The following EYS variants were observed in gnomAD, a reference collection of about 807,000 sequenced individuals.
EYS encodes the protein protein eyes shut homolog.
EYS carries 250 observed loss-of-function variants against 282.1 expected under a neutral mutation model. The observed-to-expected ratio is 0.89, with a 90% confidence interval of 0.80 to 0.98. The LOEUF is 0.98. Among genes scored for constraint, EYS ranks in the 50% least tolerant of loss-of-function variants. The pLI, the probability that EYS is intolerant of heterozygous loss-of-function variation, is 0.00. For missense variants in EYS, 4,016 were observed against 3,709.0 expected (o/e 1.08, Z -2.15); for synonymous variants, 1,355 against 1,282.9 (o/e 1.06, Z -1.20).
At chr6:64,700,950 A>G (rs1173418264) in intron 22 of EYS, among the ~76,000 whole-genome samples, 3 of 152,090 alleles carry the variant, frequency 2.0e-5, no homozygotes, top group Non-Finnish European at 4.4e-5. Flanking sequence ...TGGAGACATC[A>G]TATTAGTTGA....
chr6:64,295,497 A>AAG (rs1554140736), intron 30 of EYS, among the ~76,000 whole-genome samples: 8 of 36,764 alleles, frequency 2.2e-4, no homozygotes, highest in African/African-American at 8.4e-4. Context: ...GAAGAAGAAG[A>AAG]AAGAAGAAAG....
chr6:64,233,453 T>C (rs187869474), intron 30 of EYS, among the ~76,000 whole-genome samples: 90 of 152,338 alleles, frequency 5.9e-4, no homozygotes, highest in Non-Finnish European at 1.0e-3. Context: ...GCTAAAATTT[T>C]ACCTTATTTT....
chr6:64,335,875 C>T (rs1306521997), intron 29 of EYS, among the ~76,000 whole-genome samples: 2 of 152,004 alleles, frequency 1.3e-5, no homozygotes, highest in South Asian at 2.1e-4. Context: ...TCCAGCAAAA[C>T]TAAGTATCAT....
chr6:65,676,323 C>G (rs1401425137), intron 1 of EYS, among the ~76,000 whole-genome samples: 1 of 151,592 alleles, frequency 6.6e-6, no homozygotes, highest in Non-Finnish European at 1.5e-5. Context: ...ATTGACAAAA[C>G]CTCAGCTAGA....
At chr6:64,172,575 A>G (rs1764514490) in intron 31 of EYS, among the ~76,000 whole-genome samples, 1 of 152,178 alleles carries the variant, frequency 6.6e-6, no homozygotes, top group Non-Finnish European at 1.5e-5. Flanking sequence ...ACTTCTGGGT[A>G]TATCTTAAAA....
chr6:64,684,372 T>C (rs1166537954), intron 22 of EYS, among the ~76,000 whole-genome samples: 2 of 152,270 alleles, frequency 1.3e-5, no homozygotes, highest in African/African-American at 4.8e-5. Context: ...TACAAACCTC[T>C]TATTTTCTTT....
At chr6:65,208,586 T>C (rs535409189) in intron 12 of EYS, among the ~76,000 whole-genome samples, 1 of 151,938 alleles carries the variant, frequency 6.6e-6, no homozygotes, top group Admixed American at 6.6e-5. Context: ...ATAAAGAAAA[T>C]GTTATATATC....
chr6:64,841,109 C>T (rs938204501), intron 19 of EYS, among the ~76,000 whole-genome samples: 4 of 151,902 alleles, frequency 2.6e-5, no homozygotes, highest in Admixed American at 6.6e-5. Context: ...TTTTATGTAC[C>T]TGTGTCTAAT....
intron 22 of EYS, among the ~76,000 whole-genome samples, chr6:64,811,910 A>C (rs1465098339): frequency 6.6e-6 from 1 of 152,172 alleles, no homozygotes; most frequent in Non-Finnish European, 1.5e-5. Flanking sequence ...ACAAATACTA[A>C]CAGATTGTAA....
chr6:65,435,159 C>G (rs1355393123), intron 5 of EYS, among the ~76,000 whole-genome samples: 1 of 151,730 alleles, frequency 6.6e-6, no homozygotes, highest in South Asian at 2.1e-4. Flanking sequence ...TAATTGGTTA[C>G]AGAGTTATAA....
intron 35 of EYS, among the ~76,000 whole-genome samples, chr6:63,913,487 C>A (rs1764332626): frequency 6.6e-6 from 1 of 152,216 alleles, no homozygotes; most frequent in Non-Finnish European, 1.5e-5. Context: ...CATTATCATG[C>A]ACTATACATA....
intron 12 of EYS, among the ~76,000 whole-genome samples, chr6:65,285,775 T>G (rs1461370709): frequency 3.3e-5 from 5 of 151,982 alleles, no homozygotes; most frequent in African/African-American, 4.8e-5. Context: ...GAATTATAAA[T>G]GCAGAGCTAA....
At chr6:64,081,707 CA>C in intron 32 of EYS, 148 bp downstream of exon 32, 2 of 581,306 alleles carry the variant, frequency 3.4e-6, no homozygotes, top group Non-Finnish European at 5.6e-6. Context: ...AGAGAAACTA[CA>C]AAGAACTAAA....
intron 30 of EYS, among the ~76,000 whole-genome samples, chr6:64,296,462 GAATT>G (rs1203669685): frequency 5.4e-5 from 8 of 148,788 alleles, no homozygotes; most frequent in Admixed American, 2.7e-4. Context: ...CATTTTATAA[GAATT>G]AATAAAGGAA....
chr6:63,826,845 C>CAAAAAAAAAAAAAAAAAAGGAAAAAAAA (rs1771475758), intron 36 of EYS, among the ~76,000 whole-genome samples: 4 of 76,762 alleles, frequency 5.2e-5, no homozygotes, highest in South Asian at 4.8e-4. Context: ...AGTTAAAAAG[C>CAAAAAAAAAAAAAAAAAAGGAAAAAAAA]AAAAAAAAAA....
intron 12 of EYS, among the ~76,000 whole-genome samples, chr6:65,262,997 C>G (rs923983263): frequency 7.2e-5 from 11 of 152,014 alleles, no homozygotes; most frequent in Admixed American, 2.0e-4. Context: ...TGTAAACAAT[C>G]AAAACATATA....
At chr6:63,732,096 G>GAAACTATT (rs1768797090) in intron 41 of EYS, among the ~76,000 whole-genome samples, 1 of 151,872 alleles carries the variant, frequency 6.6e-6, no homozygotes, top group Non-Finnish European at 1.5e-5. Context: ...TGCTGATACT[G>GAAACTATT]GGTCAGTGCA....
chr6:65,641,073 T>C (rs1161211059), intron 1 of EYS, among the ~76,000 whole-genome samples: 1 of 152,244 alleles, frequency 6.6e-6, no homozygotes, highest in African/African-American at 2.4e-5. Context: ...AGTGTAAACT[T>C]AGCTTAGCTA....
intron 12 of EYS, among the ~76,000 whole-genome samples, chr6:65,274,224 G>C (rs1346602155): frequency 6.6e-6 from 1 of 152,172 alleles, no homozygotes; most frequent in African/African-American, 2.4e-5. Flanking sequence ...CAGGAAAACT[G>C]TAAACCAAAA....
Sources: allele counts gnomAD v4.1 joint callset (sites outside exome capture counted in the v4.1 genomes callset), GRCh38; gene constraint gnomAD v4.1.1; transcripts MANE v1.5; gene names NCBI Gene and HGNC (gene_info 2026-07-23, HGNC 2026-07-21).